Variants in HDAC4 observed in about 807,000 individuals in gnomAD.
HDAC4 encodes the protein histone deacetylase A.
HDAC4 carries 16 observed loss-of-function variants against 135.1 expected under a neutral mutation model. That is an observed-to-expected ratio of 0.12 (90% CI 0.08 to 0.18). The LOEUF is 0.18. Ranked by LOEUF, HDAC4 falls within the 10% of genes least tolerant of loss-of-function variation. The pLI is 1.00. For missense variants in HDAC4, 1,143 were observed against 1,511.8 expected (o/e 0.76, Z 4.05); for synonymous variants, 685 against 653.4 (o/e 1.05, Z -0.74).
chr2:239,096,994 C>G (rs976736670), intron 16 of HDAC4, among the ~76,000 whole-genome samples: 1 of 152,188 alleles, frequency 6.6e-6, no homozygotes, highest in Non-Finnish European at 1.5e-5. Context: ...TCAGAAGGGG[C>G]TCAGGGGCTC....
chr2:239,098,119 C>A (rs2037283777), intron 16 of HDAC4, among the ~76,000 whole-genome samples: 1 of 152,170 alleles, frequency 6.6e-6, no homozygotes, highest in South Asian at 2.1e-4. Flanking sequence ...CTAGCAAAGA[C>A]CAAAACAACA....
intron 3 of HDAC4, among the ~76,000 whole-genome samples, chr2:239,223,746 A>G (rs2047091937): frequency 6.6e-6 from 1 of 151,626 alleles, no homozygotes; most frequent in East Asian, 1.9e-4. Flanking sequence ...GTGCGCTCAC[A>G]CTCTCTGCCC....
At chr2:239,229,254 T>C (rs1461586818) in intron 3 of HDAC4, among the ~76,000 whole-genome samples, 2 of 152,254 alleles carry the variant, frequency 1.3e-5, no homozygotes, top group African/African-American at 4.8e-5. Flanking sequence ...CTCATAATTG[T>C]ACACGACACA....
intron 16 of HDAC4, among the ~76,000 whole-genome samples, chr2:239,101,130 C>T (rs953822164): frequency 7.9e-5 from 12 of 152,158 alleles, no homozygotes; most frequent in Non-Finnish European, 1.6e-4. Flanking sequence ...CAGCCACACC[C>T]CGGCCCACCT....
intron 24 of HDAC4, among the ~76,000 whole-genome samples, chr2:239,063,477 T>C (rs1448335224): frequency 6.6e-6 from 1 of 152,180 alleles, no homozygotes; most frequent in Non-Finnish European, 1.5e-5. Context: ...GTGCTGGGAT[T>C]ACAGGCGTGA....
At chr2:239,085,602 A>G (rs951192868) in intron 19 of HDAC4, among the ~76,000 whole-genome samples, 1 of 152,276 alleles carries the variant, frequency 6.6e-6, no homozygotes, top group African/African-American at 2.4e-5. Context: ...ACAAACAGGA[A>G]GCCTGGTGCC....
intron 24 of HDAC4, among the ~76,000 whole-genome samples, chr2:239,066,357 C>G (rs1009842490): frequency 6.6e-6 from 1 of 152,226 alleles, no homozygotes; most frequent in African/African-American, 2.4e-5. Context: ...GAGAAGCTGA[C>G]TGTCCACAGA....
intron 3 of HDAC4, among the ~76,000 whole-genome samples, chr2:239,199,828 G>C (rs955638136): frequency 8.5e-5 from 13 of 152,070 alleles, no homozygotes; most frequent in African/African-American, 2.4e-4. Context: ...CCGCCTCCCG[G>C]GCTCACGCCA....
Position 239,141,256 on chromosome 2 carries a change from C to G in HDAC4, c.866-1460G>C, listed in dbSNP as rs1430591665. Among the ~76,000 whole-genome samples the G allele has an allele frequency of 6.6e-6, 1 of 152,138 alleles. No homozygotes were observed. Among genetic ancestry groups the G allele is most frequent in the Non-Finnish European group, 1.5e-5 (1 of 68,006 alleles). ...CCTGGGAACATCTTGCCCTCAACAG[C>G]AGGGCAGTCTAAACCTCCCAAGGGC... On this transcript the variant is annotated intron_variant, in intron 8 of 26. Transcript: ENST00000543185. The surrounding 1 kb of genome is among the most constrained non-coding windows in gnomAD (Gnocchi z 4.9).
chr2:239,207,385 T>A (rs561463348), intron 3 of HDAC4, among the ~76,000 whole-genome samples: 1 of 152,182 alleles, frequency 6.6e-6, no homozygotes, highest in East Asian at 1.9e-4. Flanking sequence ...AGATAATACA[T>A]AAATGAAATG....
At position 239,089,237 on chromosome 2, in the gene HDAC4, C is replaced by T. The variant is rs142915840; in HGVS notation, c.2388+772G>A. ...GCCAGGATTCCTTCATGTACTTCAA[C>T]ATGTCCCAAGAATGACGCCGGGCAG... On this transcript the variant is annotated intron_variant, in intron 18 of 26. Transcript: ENST00000543185. Among the ~76,000 whole-genome samples the T allele has an allele frequency of 5.9e-3, 901 of 152,308 alleles. 14 individuals are homozygous for T. Among genetic ancestry groups the T allele is most frequent in the African/African-American group, 0.021 (860 of 41,562 alleles).
intron 20 of HDAC4, 59 bp from the exon 21 acceptor site, chr2:239,082,280 CT>C (rs979336146): frequency 1.9e-6 from 3 of 1,609,702 alleles, no homozygotes; most frequent in Non-Finnish European, 2.5e-6. Context: ...GTGGCCTCCC[CT>C]GAGGGCCGTC....
intron 2 of HDAC4, among the ~76,000 whole-genome samples, chr2:239,265,601 C>G (rs1210833924): frequency 2.0e-5 from 3 of 152,196 alleles, no homozygotes; most frequent in Non-Finnish European, 2.9e-5. Context: ...TCCGCAGAGC[C>G]TTGAGGCACA....
chr2:239,398,033 G>A (rs1696681124), intron 1 of HDAC4, among the ~76,000 whole-genome samples: 1 of 152,082 alleles, frequency 6.6e-6, no homozygotes, highest in Admixed American at 6.6e-5. Flanking sequence ...ACAGCCCCAA[G>A]CTTAGGTGGA....
rs764644613 is a variant in HDAC4 at position 239,068,604 on chromosome 2, C to T, written c.2754G>A (p.Thr918=). The change falls in exon 23 of 27, where the codon ACG becomes ACA. Residue 918 remains threonine (T), a synonymous_variant. Coordinates refer to ENST00000543185, the MANE Select transcript of HDAC4 (RefSeq NM_001378414.1). The surrounding 1 kb of genome is among the most constrained non-coding windows in gnomAD (Gnocchi z 4.4). ...GDAEYLAAFR[T]VVMPIASEFA... is the part of the protein sequence containing the mutation. ...ACTCGCTGGCGATCGGCATGACCAC[C>T]GTTCTGCAAAGGACAGGAGAAGGCG... The T allele has an allele frequency of 5.6e-6, 9 of 1,613,488 alleles. No individual in the cohort carries two copies. Among genetic ancestry groups the T allele is most frequent in the South Asian group, 4.4e-5 (4 of 91,070 alleles).
intron 1 of HDAC4, among the ~76,000 whole-genome samples, chr2:239,374,761 T>A (rs976742987): frequency 2.0e-5 from 3 of 152,222 alleles, no homozygotes; most frequent in Non-Finnish European, 2.9e-5. Context: ...ATTTTAAATT[T>A]CAGAATATCA....
chr2:239,151,567 G>A (rs1289627893), intron 7 of HDAC4, among the ~76,000 whole-genome samples: 3 of 152,224 alleles, frequency 2.0e-5, no homozygotes, highest in African/African-American at 7.2e-5. Flanking sequence ...ATGGAGGCAA[G>A]TGCAGAGGGA....
intron 2 of HDAC4, among the ~76,000 whole-genome samples, chr2:239,257,064 A>G (rs569696131): frequency 3.3e-5 from 5 of 152,332 alleles, no homozygotes; most frequent in African/African-American, 1.2e-4. Flanking sequence ...TGGGTAAATA[A>G]CAGAATAAGC....
chr2:239,288,001 G>A (rs989209088), intron 2 of HDAC4, among the ~76,000 whole-genome samples: 1 of 151,330 alleles, frequency 6.6e-6, no homozygotes, highest in African/African-American at 2.4e-5. Context: ...AATAGTCTGA[G>A]GTTAATTTTT....
Sources: allele counts gnomAD v4.1 joint callset (sites outside exome capture counted in the v4.1 genomes callset), GRCh38; gene constraint gnomAD v4.1.1; non-coding constraint Gnocchi (gnomAD v3.1); transcripts MANE v1.5; gene names NCBI Gene and HGNC (gene_info 2026-07-23, HGNC 2026-07-21).